SRC: variants seen among roughly 807,000 people sequenced by gnomAD.
The protein encoded by SRC is proto-oncogene tyrosine-protein kinase Src.
Under a neutral mutation model 62.9 loss-of-function variants are expected in SRC, and 13 were observed. The ratio of observed to expected loss-of-function variants is 0.21; its 90% CI spans 0.13 to 0.33. The LOEUF (loss-of-function observed/expected upper bound fraction) is 0.33, where lower values mean the gene tolerates loss of function less well. Among genes scored for constraint, SRC ranks in the 10% least tolerant of loss-of-function variants. The pLI is 1.00. For missense variants in SRC, 457 were observed against 737.3 expected (o/e 0.62, Z 4.40); for synonymous variants, 302 against 317.5 (o/e 0.95, Z 0.52).
chr20:37,379,942 TAAAA>T (rs57772720), intron 2 of SRC, among the ~76,000 whole-genome samples: 5 of 51,468 alleles, frequency 9.7e-5, no homozygotes, highest in East Asian at 6.5e-4. Context: ...GAGCTTGGAG[TAAAA>T]AAAAAAAAAA....
rs2273677 is a variant in SRC, at chr20:37,403,098, C to T, written c.1403-73C>T. The stretch of plus-strand genomic sequence containing the variant: ...TGTCCTAGGCAGGAAGCCCTCGCTG[C>T]CCTCCCCATCAGCTTCCCCCACCCC... On this transcript the variant is annotated intron_variant, in intron 13 of 13. Coordinates refer to ENST00000373578, the MANE Select transcript of SRC (RefSeq NM_198291.3). This position sits in a 1 kb window ranked among gnomAD's most constrained non-coding sequence, Gnocchi z 7.1. 0.023 allele frequency: 33,726 copies of T among 1,435,452 alleles called. 1,866 individuals carry two copies. Among genetic ancestry groups the T allele is most frequent in the East Asian group, 0.21 (8,410 of 40,104 alleles). The allele number at this position is 1,435,452 out of a possible 1,614,324, so 88.9% of individuals were successfully genotyped here. A position where few individuals can be genotyped will look rare whatever the true frequency, so the allele number is the denominator to read the frequency against.
chr20:37,393,833 G>C (rs866938547), intron 5 of SRC, 62 bp from the exon 6 acceptor site: 4 of 1,285,676 alleles, frequency 3.1e-6, no homozygotes, highest in Middle Eastern at 1.8e-4. Flanking sequence ...GAGGATGGTG[G>C]GCACCGGGCT....
chr20:37,373,177 CAT>C (rs761309884), intron 2 of SRC, among the ~76,000 whole-genome samples: 6 of 146,606 alleles, frequency 4.1e-5, no homozygotes, highest in African/African-American at 7.9e-5. Context: ...TATGTACACA[CAT>C]ACACATGTAT....
intron 1 of SRC, among the ~76,000 whole-genome samples, chr20:37,347,481 T>A (rs1456260600): frequency 1.3e-5 from 2 of 152,182 alleles, no homozygotes; most frequent in Non-Finnish European, 2.9e-5. Flanking sequence ...TGGCGTGTAG[T>A]AGATGCTCAA....
intron 2 of SRC, among the ~76,000 whole-genome samples, chr20:37,381,659 T>C (rs915848720): frequency 1.3e-5 from 2 of 152,170 alleles, no homozygotes; most frequent in Admixed American, 1.3e-4. Context: ...CTATAAATGC[T>C]GCACCAGGAA....
At chr20:37,370,655 G>A (rs961155597) in intron 2 of SRC, among the ~76,000 whole-genome samples, 1 of 152,160 alleles carries the variant, frequency 6.6e-6, no homozygotes, top group Non-Finnish European at 1.5e-5. Flanking sequence ...ATATGTTGCT[G>A]GATCCAGTTT....
intron 5 of SRC, among the ~76,000 whole-genome samples, chr20:37,388,742 G>A (rs2070494467): frequency 6.6e-6 from 1 of 151,628 alleles, no homozygotes; most frequent in Admixed American, 6.6e-5. Context: ...GCAAGACTCT[G>A]TCTCAAAAAA....
intron 1 of SRC, among the ~76,000 whole-genome samples, chr20:37,360,562 C>T (rs974325504): frequency 6.6e-6 from 1 of 152,102 alleles, no homozygotes; most frequent in African/African-American, 2.4e-5. Flanking sequence ...GCAAAAATCC[C>T]CTCCTCTCCC....
At chr20:37,372,498 T>C (rs2070181449) in intron 2 of SRC, among the ~76,000 whole-genome samples, 1 of 152,194 alleles carries the variant, frequency 6.6e-6, no homozygotes, top group Admixed American at 6.5e-5. Context: ...CAAATTTCTT[T>C]CTGTTATTGA....
At chr20:37,383,327 C>G (rs1015578983) in intron 3 of SRC, among the ~76,000 whole-genome samples, 21 of 152,200 alleles carry the variant, frequency 1.4e-4, no homozygotes, top group Admixed American at 2.6e-4. Context: ...TGTGAAGGCC[C>G]TGTGGCTGGA....
At chr20:37,391,163 G>A (rs1189667844) in intron 5 of SRC, among the ~76,000 whole-genome samples, 6 of 152,194 alleles carry the variant, frequency 3.9e-5, no homozygotes, top group Non-Finnish European at 4.4e-5. Context: ...GCCAGCCTGC[G>A]GACTGCAGCT....
chr20:37,396,191 G>C lies in SRC; in HGVS notation c.583G>C (p.Asp195His), dbSNP rs1198824064. The part of the protein sequence containing the change: ...GAYCLSVSDF[D>H]NAKGLNVKHY... ...CTACTGCCTCTCAGTGTCTGACTTC[G>C]ACAACGCCAAGGGCCTCAACGTGAA... Residue 195 changes from aspartate to histidine, a missense_variant, in exon 8 of 14, where the codon GAC becomes CAC. By Grantham distance (81) the Asp-to-His change is moderately conservative. Coordinates refer to ENST00000373578, the MANE Select transcript of SRC (RefSeq NM_198291.3). The surrounding 1 kb of genome is among the most constrained non-coding windows in gnomAD (Gnocchi z 6.1). 6.2e-7 allele frequency: 1 copy of C among 1,613,678 alleles called. No individual in the cohort carries two copies. Among genetic ancestry groups the C allele is most frequent in the South Asian group, 1.1e-5 (1 of 91,072 alleles).
chr20:37,403,943 CTGA>C lies in SRC; in HGVS notation c.*570_*572del. The C allele has an allele frequency of 4.2e-6, 1 of 239,294 alleles. No individual in the cohort carries two copies. Among genetic ancestry groups the C allele is most frequent in the Non-Finnish European group, 8.3e-6 (1 of 120,902 alleles). 14.8% of individuals were successfully genotyped at this position (239,294 alleles called of 1,614,324 possible). A position where few individuals can be genotyped will look rare whatever the true frequency, so the allele number is the denominator to read the frequency against. On this transcript the variant is annotated 3_prime_UTR_variant, in exon 14 of 14. Transcript: ENST00000373578. The surrounding 1 kb of genome is among the most constrained non-coding windows in gnomAD (Gnocchi z 7.1). ...TGGGCAGCACAAGGCCTTGCCTGGCCTGATGATGGTGGGTGGGTGGGATGAGTA... is the reference window on the plus strand; with the variant it reads ...TGGGCAGCACAAGGCCTTGCCTGGCCTGATGGTGGGTGGGTGGGATGAGTA...
intron 2 of SRC, among the ~76,000 whole-genome samples, chr20:37,379,942 T>TGAAGA (rs2070339243): frequency 1.9e-5 from 1 of 51,468 alleles, no homozygotes; most frequent in African/African-American, 6.0e-5. Context: ...GAGCTTGGAG[T>TGAAGA]AAAAAAAAAA....
Position 37,384,460 on chromosome 20 carries a change from G to A in SRC, c.250+57G>A. ...CACCTGGGGCCACGGCGGGGAGGCG[G>A]CGGGGCTGTGTGCCCGGGGTCGCCC... On this transcript the variant is annotated intron_variant, in intron 4 of 13. Transcript: ENST00000373578. The surrounding 1 kb of genome is among the most constrained non-coding windows in gnomAD (Gnocchi z 6.7). The A allele has an allele frequency of 4.6e-6, 6 of 1,294,072 alleles. No individual in the cohort carries two copies. The highest frequency in any genetic ancestry group is 4.9e-6 in the Non-Finnish European group (5 of 1,027,594). The allele number at this position is 1,294,072 out of a possible 1,614,324, so 80.2% of individuals were successfully genotyped here.
rs1000098870 is a variant in SRC, at chr20:37,402,370, G to A, written c.1117-65G>A. 4.9e-5 allele frequency: 78 copies of A among 1,577,012 alleles called. 1 individual carries two copies. The highest frequency in any genetic ancestry group is 2.3e-5 in the South Asian group (2 of 88,054). The stretch of plus-strand genomic sequence containing the variant: ...GGGTGGTTGGCTCTCCAGCCCCAGA[G>A]TGCTCTGTGGCCCTGGGAGGGCATG... On this transcript the variant is annotated intron_variant, in intron 11 of 13. Coordinates refer to ENST00000373578, the MANE Select transcript of SRC (RefSeq NM_198291.3). This position sits in a 1 kb window ranked among gnomAD's most constrained non-coding sequence, Gnocchi z 6.2.
rs538908243 is a variant in SRC at position 37,361,631 on chromosome 20, C to G, written c.-246-3573C>G. Among the ~76,000 whole-genome samples the G allele has an allele frequency of 6.6e-5, 10 of 152,356 alleles. No homozygotes were observed. In the East Asian group the frequency reaches 1.9e-3, roughly 29 times the overall value. On this transcript the variant is annotated intron_variant, in intron 1 of 13. Coordinates refer to ENST00000373578, the MANE Select transcript of SRC (RefSeq NM_198291.3). ...AGGGGCCGGCTGGCGGCCATCTCCA[C>G]AAGGCACATCAGCCATCACCCATCA... is the stretch of plus-strand genomic sequence containing the variant.
At chr20:37,348,766 T>C (rs556095249) in intron 1 of SRC, among the ~76,000 whole-genome samples, 8 of 152,272 alleles carry the variant, frequency 5.3e-5, no homozygotes, top group African/African-American at 1.7e-4. Context: ...GTTGAGTTAC[T>C]ATATAATCAC....
At position 37,401,582 on chromosome 20, in the gene SRC, C is replaced by T; in HGVS notation, c.1040-20C>T. On this transcript the variant is annotated intron_variant, in intron 10 of 13. Transcript: ENST00000373578. ...CAGAGGGACAGGGCAGGAGCTGGAG[C>T]TGGGTCTCTCTCTGCCCAGGGAGTT... 1.2e-6 allele frequency: 2 copies of T among 1,600,018 alleles called. No individual in the cohort carries two copies. The highest frequency in any genetic ancestry group is 1.3e-5 in the African/African-American group (1 of 74,424).
Sources: gnomAD v4.1 joint callset for allele counts (sites outside exome capture counted in the v4.1 genomes callset) on GRCh38, gnomAD v4.1.1 for gene constraint, Gnocchi (gnomAD v3.1) non-coding constraint, MANE v1.5 for transcripts, NCBI Gene and HGNC (gene_info 2026-07-23, HGNC 2026-07-21) for gene names.